NKAIN2: variants seen among roughly 807,000 people sequenced by gnomAD.
NKAIN2 encodes the protein sodium/potassium transporting ATPase interacting 2, also known as sodium/potassium-transporting ATPase subunit beta-1-interacting protein 2.
A neutral mutation model predicts 32.6 loss-of-function variants in NKAIN2; 14 were observed. That is an observed-to-expected ratio of 0.43 (90% CI 0.28 to 0.67). NKAIN2 has a LOEUF of 0.67. Ranked by LOEUF, NKAIN2 falls within the 30% of genes least tolerant of loss-of-function variation. The probability of loss-of-function intolerance (pLI) is 0.17; values close to 1 mark genes in which losing one functional copy is unlikely to be tolerated. For missense variants in NKAIN2, 198 were observed against 258.3 expected (o/e 0.77, Z 1.60); for synonymous variants, 80 against 87.2 (o/e 0.92, Z 0.46).
chr6:124,807,833 C>A lies in NKAIN2; in HGVS notation c.536-10554C>A, dbSNP rs1007051306. On this transcript the variant is annotated intron_variant, in intron 5 of 6. Transcript: ENST00000368417. ...ACTGATCCCACAGAAATACAAACTACCGTCAGAGAATACTACAAACACCTG... is the reference window on the plus strand; with the variant it reads ...ACTGATCCCACAGAAATACAAACTAACGTCAGAGAATACTACAAACACCTG... 6.0e-5 allele frequency among the ~76,000 whole-genome samples: 9 copies of A among 150,166 alleles called. 1 individual carries two copies. Among genetic ancestry groups the A allele is most frequent in the African/African-American group, 9.7e-5 (4 of 41,190 alleles).
intron 1 of NKAIN2, among the ~76,000 whole-genome samples, chr6:124,144,368 C>T (rs1378537212): frequency 6.6e-6 from 1 of 152,110 alleles, no homozygotes; most frequent in Non-Finnish European, 1.5e-5. Flanking sequence ...AAAGAGGTGA[C>T]ATTGCGTTTC....
At chr6:124,090,575 A>G (rs115482472) in intron 1 of NKAIN2, among the ~76,000 whole-genome samples, 1,821 of 152,182 alleles carry the variant, frequency 0.012, 39 homozygotes, top group African/African-American at 0.04. Context: ...CTTGCAAGTC[A>G]GCAGACATCT....
At chr6:124,345,302 G>A (rs373618114) in intron 2 of NKAIN2, among the ~76,000 whole-genome samples, 1 of 151,924 alleles carries the variant, frequency 6.6e-6, no homozygotes, top group Non-Finnish European at 1.5e-5. Flanking sequence ...CTCTTTTTTG[G>A]TTGTGTCTCT....
At chr6:124,346,205 T>G (rs547658178) in intron 2 of NKAIN2, among the ~76,000 whole-genome samples, 10 of 152,262 alleles carry the variant, frequency 6.6e-5, no homozygotes, top group African/African-American at 1.9e-4. Flanking sequence ...GAGACAGTTT[T>G]TTATAATTTC....
chr6:124,051,582 ACC>A (rs1230965664), intron 1 of NKAIN2, among the ~76,000 whole-genome samples: 4 of 151,814 alleles, frequency 2.6e-5, no homozygotes, highest in Non-Finnish European at 2.9e-5. Flanking sequence ...CGCTCCCCCG[ACC>A]CCACAACAGG....
intron 3 of NKAIN2, among the ~76,000 whole-genome samples, chr6:124,441,668 C>A (rs1775694004): frequency 6.6e-6 from 1 of 152,056 alleles, no homozygotes; most frequent in Admixed American, 6.6e-5. Context: ...ATTCCCCAGC[C>A]TTTGAGCTGC....
At chr6:123,977,711 C>G (rs1252794095) in intron 1 of NKAIN2, among the ~76,000 whole-genome samples, 1 of 152,138 alleles carries the variant, frequency 6.6e-6, no homozygotes, top group African/African-American at 2.4e-5. Context: ...TTCAGACATT[C>G]TTGGGCAGTC....
intron 1 of NKAIN2, among the ~76,000 whole-genome samples, chr6:124,093,744 G>C (rs1784526300): frequency 6.6e-6 from 1 of 151,938 alleles, no homozygotes; most frequent in South Asian, 2.1e-4. Context: ...TAAAGAATAG[G>C]GACTTACAAA....
intron 3 of NKAIN2, among the ~76,000 whole-genome samples, chr6:124,392,633 A>G (rs2114420717): frequency 6.6e-6 from 1 of 152,244 alleles, no homozygotes; most frequent in African/African-American, 2.4e-5. Context: ...CGCTCACTAC[A>G]GTTGGTTATT....
chr6:124,142,220 C>A (rs1371315602), intron 1 of NKAIN2, among the ~76,000 whole-genome samples: 1 of 152,154 alleles, frequency 6.6e-6, no homozygotes, highest in Non-Finnish European at 1.5e-5. Flanking sequence ...TCAATCACCT[C>A]TTAGTCTCTT....
chr6:124,039,170 A>C (rs2114805105), intron 1 of NKAIN2, among the ~76,000 whole-genome samples: 1 of 152,212 alleles, frequency 6.6e-6, no homozygotes, highest in South Asian at 2.1e-4. Flanking sequence ...TGTTACCAAT[A>C]AAATTTTTAA....
At chr6:124,296,922 C>T (rs1796079650) in intron 2 of NKAIN2, among the ~76,000 whole-genome samples, 1 of 152,152 alleles carries the variant, frequency 6.6e-6, no homozygotes, top group Non-Finnish European at 1.5e-5. Flanking sequence ...GCACAAAGTC[C>T]TTCAGCATGT....
chr6:124,818,475 A>G lies in NKAIN2; in HGVS notation c.617+7A>G. 1 of 1,454,430 alleles carries G rather than the reference A, an allele frequency of 6.9e-7. No individual in the cohort carries two copies. The highest frequency in any genetic ancestry group is 9.6e-7 in the Non-Finnish European group (1 of 1,040,106). The allele number at this position is 1,454,430 out of a possible 1,614,324, so 90.1% of individuals were successfully genotyped here. On this transcript the variant is annotated splice_region_variant and intron_variant, in intron 6 of 6. Transcript: ENST00000368417. ...AACTACAGCCTATGTACATGTAAGT[A>G]TTTTACTTGGAAGGTACTCTTCTGG... is the stretch of plus-strand genomic sequence containing the variant.
intron 4 of NKAIN2, among the ~76,000 whole-genome samples, 178 bp from the exon 5 acceptor site, chr6:124,791,161 C>T (rs985724875): frequency 3.3e-5 from 5 of 152,116 alleles, no homozygotes; most frequent in African/African-American, 9.7e-5. Context: ...ATTTACAACA[C>T]AGATGAGCAT....
At chr6:124,013,707 G>T (rs1203749284) in intron 1 of NKAIN2, among the ~76,000 whole-genome samples, 1 of 152,148 alleles carries the variant, frequency 6.6e-6, no homozygotes, top group South Asian at 2.1e-4. Flanking sequence ...TTAAACATGA[G>T]GGGGAAAGAT....
At chr6:124,550,738 G>T (rs1247010369) in intron 3 of NKAIN2, among the ~76,000 whole-genome samples, 1 of 152,228 alleles carries the variant, frequency 6.6e-6, no homozygotes, top group Non-Finnish European at 1.5e-5. Context: ...CAGGGCACAA[G>T]TGGAGGGGCT....
At chr6:124,786,569 T>A (rs1226581181) in intron 4 of NKAIN2, among the ~76,000 whole-genome samples, 1 of 152,138 alleles carries the variant, frequency 6.6e-6, no homozygotes, top group Non-Finnish European at 1.5e-5. Flanking sequence ...GATTTAGTTA[T>A]ACAGAGAAAA....
chr6:124,647,710 A>G (rs905233351), intron 3 of NKAIN2, among the ~76,000 whole-genome samples: 1 of 152,106 alleles, frequency 6.6e-6, no homozygotes, highest in African/African-American at 2.4e-5. Flanking sequence ...GGGAAGCAAA[A>G]TGATATTGGA....
At chr6:123,867,122 G>A (rs1772568688) in intron 1 of NKAIN2, among the ~76,000 whole-genome samples, 1 of 152,120 alleles carries the variant, frequency 6.6e-6, no homozygotes, top group South Asian at 2.1e-4. Context: ...TATCTAATCA[G>A]CTACTAAGTC....
Sources: gnomAD v4.1 joint callset for allele counts (sites outside exome capture counted in the v4.1 genomes callset) on GRCh38, gnomAD v4.1.1 for gene constraint, MANE v1.5 for transcripts, NCBI Gene and HGNC (gene_info 2026-07-23, HGNC 2026-07-21) for gene names.